Variants in GREM1 observed in about 807,000 individuals in gnomAD.
GREM1 encodes gremlin-1.
A neutral mutation model predicts 13.1 loss-of-function variants in GREM1; 6 were observed. The observed-to-expected ratio is 0.46, with a 90% CI of 0.25 to 0.91. The LOEUF is 0.91. Ranked by LOEUF, GREM1 falls within the 40% of genes least tolerant of loss-of-function variation. The pLI is 0.18. For missense variants in GREM1, 185 were observed against 233.9 expected, an observed-to-expected ratio of 0.79 and a Z score of 1.36; for synonymous variants, 98 against 93.7, an observed-to-expected ratio of 1.05 and a Z score of -0.27.
chr15:32,726,147 T>A (rs1184356521), intron 1 of GREM1, among the ~76,000 whole-genome samples: 3 of 152,042 alleles, frequency 2.0e-5, no homozygotes, highest in African/African-American at 7.2e-5. Flanking sequence ...TTTAAAGTAG[T>A]TTTTTCATAG....
At chr15:32,718,194 TG>T in intron 1 of GREM1, 33 bp downstream of exon 1, 2 of 1,337,512 alleles carry the variant, frequency 1.5e-6, no homozygotes, top group Non-Finnish European at 2.0e-6. Flanking sequence ...GGGATGTGAG[TG>T]GGCGGAGGGA....
In GREM1 at chr15:32,732,608, G is replaced by C. The variant is rs1041408252; in HGVS notation, c.*1363G>C. 1.6e-5 allele frequency: 4 copies of C among 245,020 alleles called. No individual in the cohort carries two copies. Among genetic ancestry groups the C allele is most frequent in the Non-Finnish European group, 3.4e-5 (4 of 116,238 alleles). The allele number at this position is 245,020 out of a possible 1,614,324, so 15.2% of individuals were successfully genotyped here. A position where few individuals can be genotyped will look rare whatever the true frequency, so the allele number is the denominator to read the frequency against. On this transcript the variant is annotated 3_prime_UTR_variant, in exon 2 of 2. Coordinates refer to ENST00000651154, the MANE Select transcript of GREM1 (RefSeq NM_013372.7). ...TCCCTTTCTTTATGTGCTCACTGAG[G>C]ATCTGAGGGGACCCTGTTAGGAGAG...
chr15:32,741,146 A>G lies in GREM1; in HGVS notation c.*9901A>G, dbSNP rs111299830. 1 of 152,202 alleles carries G rather than the reference A, an allele frequency of 6.6e-6. No homozygotes were observed. The highest frequency in any genetic ancestry group is 2.4e-5 in the African/African-American group (1 of 41,462). The allele number at this position is 152,202 out of a possible 1,614,324, so 9.4% of individuals were successfully genotyped here. On this transcript the variant is annotated 3_prime_UTR_variant, in exon 2 of 2. Coordinates refer to ENST00000651154, the MANE Select transcript of GREM1 (RefSeq NM_013372.7). The stretch of plus-strand genomic sequence containing the variant: ...TTTGTTCACTGTGGTGTAGTAATAA[A>G]TGTCTATACTTAAGGGGTGAGGATT...
At chr15:32,727,963 C>A (rs1451733452) in intron 1 of GREM1, among the ~76,000 whole-genome samples, 2 of 152,140 alleles carry the variant, frequency 1.3e-5, no homozygotes, top group Non-Finnish European at 2.9e-5. Context: ...GAACTACAGA[C>A]CACTGCTCAA....
intron 1 of GREM1, chr15:32,718,763 G>A: frequency 3.2e-6 from 1 of 309,202 alleles, no homozygotes; most frequent in East Asian, 8.4e-5. Flanking sequence ...AAACCGAACG[G>A]TGGGTAATCC....
intron 1 of GREM1, among the ~76,000 whole-genome samples, chr15:32,726,443 G>T (rs1196015516): frequency 6.6e-6 from 1 of 152,064 alleles, no homozygotes; most frequent in African/African-American, 2.4e-5. Flanking sequence ...TTCTTTGAAA[G>T]AAATGAGAAC....
At chr15:32,724,925 G>T (rs1181036417) in intron 1 of GREM1, among the ~76,000 whole-genome samples, 1 of 152,022 alleles carries the variant, frequency 6.6e-6, no homozygotes, top group Non-Finnish European at 1.5e-5. Context: ...TGCTGAGAAT[G>T]ATGGTTTTTG....
In GREM1 at chr15:32,744,820, G is replaced by C. The variant is rs1217642141; in HGVS notation, c.*13575G>C. 6.6e-6 allele frequency: 1 copy of C among 152,054 alleles called. No homozygotes were observed. Among genetic ancestry groups the C allele is most frequent in the Non-Finnish European group, 1.5e-5 (1 of 68,022 alleles). 9.4% of individuals were successfully genotyped at this position (152,054 alleles called of 1,614,324 possible). ...TCCAGCAGATCCGGAGCTCCATTTTGTAGACAGAAATGAATGCTCTGTGCC... is the reference window on the plus strand; with the variant it reads ...TCCAGCAGATCCGGAGCTCCATTTTCTAGACAGAAATGAATGCTCTGTGCC... On this transcript the variant is annotated 3_prime_UTR_variant, in exon 2 of 2. Coordinates refer to ENST00000651154, the MANE Select transcript of GREM1 (RefSeq NM_013372.7).
Position 32,733,137 on chromosome 15 carries a change from A to G in GREM1, c.*1892A>G. ...CAAACTTTTAAACTCACTACTGATG[A>G]TTCTCACGCTAGGCGAATTTGTCCA... On this transcript the variant is annotated 3_prime_UTR_variant, in exon 2 of 2. Transcript: ENST00000651154. 4.3e-6 allele frequency: 1 copy of G among 231,806 alleles called. No individual in the cohort carries two copies. The highest frequency in any genetic ancestry group is 9.3e-6 in the Non-Finnish European group (1 of 107,926). 14.4% of individuals were successfully genotyped at this position (231,806 alleles called of 1,614,324 possible).
At chr15:32,728,354 C>G (rs1435180602) in intron 1 of GREM1, among the ~76,000 whole-genome samples, 1 of 152,108 alleles carries the variant, frequency 6.6e-6, no homozygotes, top group Non-Finnish European at 1.5e-5. Context: ...GCATAAAGAG[C>G]AGGGATGTTG....
Position 32,733,034 on chromosome 15 carries a change from T to C in GREM1, c.*1789T>C, listed in dbSNP as rs1366560955. 1 of 228,954 alleles carries C rather than the reference T, an allele frequency of 4.4e-6. No individual in the cohort carries two copies. Among genetic ancestry groups the C allele is most frequent in the Non-Finnish European group, 9.4e-6 (1 of 106,116 alleles). The allele number at this position is 228,954 out of a possible 1,614,324, so 14.2% of individuals were successfully genotyped here. A position where few individuals can be genotyped will look rare whatever the true frequency, so the allele number is the denominator to read the frequency against. ...TTTCGTTTTTGTTTTGATCCAGTGCTCTCCCATCTAACAACTAAACAGGAG... is the reference window on the plus strand; with the variant it reads ...TTTCGTTTTTGTTTTGATCCAGTGCCCTCCCATCTAACAACTAAACAGGAG... On this transcript the variant is annotated 3_prime_UTR_variant, in exon 2 of 2. Coordinates refer to ENST00000651154, the MANE Select transcript of GREM1 (RefSeq NM_013372.7).
At chr15:32,722,212 G>C (rs548666775) in intron 1 of GREM1, among the ~76,000 whole-genome samples, 1 of 152,226 alleles carries the variant, frequency 6.6e-6, no homozygotes, top group Non-Finnish European at 1.5e-5. Context: ...TTTTCCCAAA[G>C]ATTTAGACCT....
rs1363722545 is a variant in GREM1, at chr15:32,734,505, G to C, written c.*3260G>C. On this transcript the variant is annotated 3_prime_UTR_variant, in exon 2 of 2. Transcript: ENST00000651154. The stretch of plus-strand genomic sequence containing the variant: ...CGGCAAAGAATTATATAGACTATGA[G>C]GTACCTTGCTGTGTAGGAGGATGAA... 1.2e-5 allele frequency: 3 copies of C among 246,696 alleles called. No individual in the cohort carries two copies. The highest frequency in any genetic ancestry group is 2.6e-5 in the Non-Finnish European group (3 of 117,418). 15.3% of individuals were successfully genotyped at this position (246,696 alleles called of 1,614,324 possible).
chr15:32,728,951 C>T (rs1482043445), intron 1 of GREM1, among the ~76,000 whole-genome samples: 1 of 152,192 alleles, frequency 6.6e-6, no homozygotes, highest in Non-Finnish European at 1.5e-5. Flanking sequence ...AAAAGGCAGA[C>T]CTGCTGAATC....
In GREM1 at chr15:32,734,620, T is replaced by C. The variant is rs2055673317; in HGVS notation, c.*3375T>C. 1 of 245,814 alleles carries C rather than the reference T, an allele frequency of 4.1e-6. No homozygotes were observed. Among genetic ancestry groups the C allele is most frequent in the African/African-American group, 2.2e-5 (1 of 45,244 alleles). 15.2% of individuals were successfully genotyped at this position (245,814 alleles called of 1,614,324 possible). On this transcript the variant is annotated 3_prime_UTR_variant, in exon 2 of 2. Transcript: ENST00000651154. ...TAATTTTCACCCCAATAATGTTCTA[T>C]ATAGCCTTTGCTAAAGAGCAACTAA...
chr15:32,734,126 A>G lies in GREM1; in HGVS notation c.*2881A>G, dbSNP rs182180121. The G allele has an allele frequency of 2.6e-3, 629 of 242,412 alleles. 5 individuals are homozygous for G. Among genetic ancestry groups the G allele is most frequent in the African/African-American group, 0.013 (603 of 45,178 alleles). The allele number at this position is 242,412 out of a possible 1,614,324, so 15.0% of individuals were successfully genotyped here. The stretch of plus-strand genomic sequence containing the variant: ...TGTTGTTAGAGTCTTTTATCTGGTC[A>G]GGGGAAACAAAATCTTGACCCAGCT... On this transcript the variant is annotated 3_prime_UTR_variant, in exon 2 of 2. Coordinates refer to ENST00000651154, the MANE Select transcript of GREM1 (RefSeq NM_013372.7).
rs1467750066 is a variant in GREM1 at position 32,738,244 on chromosome 15, C to T, written c.*6999C>T. The T allele has an allele frequency of 6.6e-6, 1 of 151,264 alleles. No individual in the cohort carries two copies. The highest frequency in any genetic ancestry group is 2.4e-5 in the African/African-American group (1 of 41,182). The allele number at this position is 151,264 out of a possible 1,614,324, so 9.4% of individuals were successfully genotyped here. ...GGAATTTACAAAAGAACTATTAGAG[C>T]TAATACATGATTTCAGCAAGGTTGC... On this transcript the variant is annotated 3_prime_UTR_variant, in exon 2 of 2. Coordinates refer to ENST00000651154, the MANE Select transcript of GREM1 (RefSeq NM_013372.7).
Position 32,743,933 on chromosome 15 carries a change from G to A in GREM1, c.*12688G>A, listed in dbSNP as rs1032677475. On this transcript the variant is annotated 3_prime_UTR_variant, in exon 2 of 2. Transcript: ENST00000651154. ...CCTCACCATGTGAACCTCTCTTCAC[G>A]ACTTAGTAACTGGCTTCCTCTAGAG... The A allele has an allele frequency of 1.3e-5, 2 of 152,098 alleles. No homozygotes were observed. Among genetic ancestry groups the A allele is most frequent in the Admixed American group, 1.3e-4 (2 of 15,272 alleles). 9.4% of individuals were successfully genotyped at this position (152,098 alleles called of 1,614,324 possible).
Position 32,743,457 on chromosome 15 carries a change from A to G in GREM1, c.*12212A>G, listed in dbSNP as rs1480312073. On this transcript the variant is annotated 3_prime_UTR_variant, in exon 2 of 2. Coordinates refer to ENST00000651154, the MANE Select transcript of GREM1 (RefSeq NM_013372.7). ...ACTTTTGAAGTATCCTATAGTACTT[A>G]TATATTGCTTGGTAACAAATTATGC... 1 of 152,244 alleles carries G rather than the reference A, an allele frequency of 6.6e-6. No individual in the cohort carries two copies. Among genetic ancestry groups the G allele is most frequent in the Non-Finnish European group, 1.5e-5 (1 of 68,052 alleles). 9.4% of individuals were successfully genotyped at this position (152,244 alleles called of 1,614,324 possible). A position where few individuals can be genotyped will look rare whatever the true frequency, so the allele number is the denominator to read the frequency against.
Sources: gnomAD v4.1 joint callset for allele counts (sites outside exome capture counted in the v4.1 genomes callset) on GRCh38, gnomAD v4.1.1 for gene constraint, MANE v1.5 for transcripts, NCBI Gene and HGNC (gene_info 2026-07-23, HGNC 2026-07-21) for gene names.